Variants in DTD1 observed in about 807,000 individuals in gnomAD.
DTD1 encodes the protein D-aminoacyl-tRNA deacylase 1.
A neutral mutation model predicts 25.6 loss-of-function variants in DTD1; 13 were observed. The ratio of observed to expected loss-of-function variants is 0.51; its 90% CI spans 0.33 to 0.81. The LOEUF is 0.81. Ranked by LOEUF, DTD1 falls within the 30% of genes least tolerant of loss-of-function variation. The probability of loss-of-function intolerance (pLI) is 0.02; values close to 1 mark genes in which losing one functional copy is unlikely to be tolerated. For missense variants in DTD1, 193 were observed against 266.4 expected, an observed-to-expected ratio of 0.72 and a Z score of 1.92; for synonymous variants, 110 against 103.6, an observed-to-expected ratio of 1.06 and a Z score of -0.37.
At chr20:18,714,650 G>C (rs62217025) in intron 4 of DTD1, among the ~76,000 whole-genome samples, 52,815 of 151,952 alleles carry the variant, frequency 0.35, 9,507 homozygotes, top group Non-Finnish European at 0.4. Context: ...CAAGGCCATC[G>C]TCTAAGTGGG....
In DTD1 at chr20:18,606,942, C is replaced by T. The variant is rs145988335; in HGVS notation, c.370+10701C>T. On this transcript the variant is annotated intron_variant, in intron 3 of 5. Coordinates refer to ENST00000377452, the MANE Select transcript of DTD1 (RefSeq NM_080820.6). The stretch of plus-strand genomic sequence containing the variant: ...TAAAGTATAATAAAAAAAAAAAAGC[C>T]ATTCCTAGTTTACTGAGAGTTTCTA... Among the ~76,000 whole-genome samples, 975 of 151,582 alleles carry T rather than the reference C, an allele frequency of 6.4e-3. 11 individuals carry two copies. Among genetic ancestry groups the T allele is most frequent in the African/African-American group, 0.023 (934 of 41,314 alleles).
chr20:18,719,026 C>T (rs1282160184), intron 4 of DTD1, among the ~76,000 whole-genome samples: 1 of 152,086 alleles, frequency 6.6e-6, no homozygotes, highest in African/African-American at 2.4e-5. Context: ...GGTTTTGTTT[C>T]GATAAAGCCA....
intron 4 of DTD1, 69 bp downstream of exon 4, chr20:18,628,302 A>G (rs2060768142): frequency 1.7e-6 from 2 of 1,165,376 alleles, no homozygotes; most frequent in Non-Finnish European, 2.5e-6. Flanking sequence ...TCCCTGGAAG[A>G]GTCCTCGGTC....
chr20:18,627,653 T>C (rs1179602368), intron 3 of DTD1, among the ~76,000 whole-genome samples: 2 of 152,202 alleles, frequency 1.3e-5, no homozygotes, highest in Non-Finnish European at 2.9e-5. Context: ...CTTCTCCCAC[T>C]GTGACCCGGG....
At chr20:18,676,980 C>T (rs961412020) in intron 4 of DTD1, among the ~76,000 whole-genome samples, 1 of 152,182 alleles carries the variant, frequency 6.6e-6, no homozygotes, top group Non-Finnish European at 1.5e-5. Flanking sequence ...TGTTTTTATT[C>T]TTACTGCCTC....
chr20:18,616,374 T>G (rs764231840), intron 3 of DTD1, among the ~76,000 whole-genome samples: 2 of 152,188 alleles, frequency 1.3e-5, no homozygotes. Context: ...ATATCTACTT[T>G]CGTTATTAAA....
chr20:18,685,399 CATG>C (rs2061012552), intron 4 of DTD1, among the ~76,000 whole-genome samples: 2 of 152,220 alleles, frequency 1.3e-5, no homozygotes, highest in Non-Finnish European at 2.9e-5. Flanking sequence ...GTTGGCTGCA[CATG>C]ACGGGTGTAT....
chr20:18,593,749 G>C lies in DTD1; in HGVS notation c.62G>C (p.Ser21Thr). 1 of 1,613,984 alleles carries C rather than the reference G, an allele frequency of 6.2e-7. No individual in the cohort carries two copies. The highest frequency in any genetic ancestry group is 8.5e-7 in the Non-Finnish European group (1 of 1,179,902). The stretch of plus-strand genomic sequence containing the variant: ...TTTCTAGTTGGAGGAGAGCAGATTA[G>C]TGCCATTGGAAGGGGCATATGTGTG... ...ASVTVGGEQI[S>T]AIGRGICVLL... Residue 21 changes from serine (S) to threonine (T), a missense_variant, in exon 2 of 6, where the codon AGT becomes ACT. Coordinates refer to ENST00000377452, the MANE Select transcript of DTD1 (RefSeq NM_080820.6).
chr20:18,607,483 G>C (rs1317139672), intron 3 of DTD1, among the ~76,000 whole-genome samples: 1 of 151,846 alleles, frequency 6.6e-6, no homozygotes, highest in Non-Finnish European at 1.5e-5. Flanking sequence ...ATCTGGTTTC[G>C]GTATTAGGGT....
chr20:18,675,667 T>G (rs976361076), intron 4 of DTD1: 5 of 151,220 alleles, frequency 3.3e-5, no homozygotes, highest in African/African-American at 1.2e-4. Flanking sequence ...ACCTTCACAT[T>G]ACCAAAATGG....
At chr20:18,597,660 C>G (rs2060617224) in intron 3 of DTD1, among the ~76,000 whole-genome samples, 1 of 152,158 alleles carries the variant, frequency 6.6e-6, no homozygotes, top group Non-Finnish European at 1.5e-5. Flanking sequence ...TTTCACTTAG[C>G]ATAATGTTTT....
intron 4 of DTD1, among the ~76,000 whole-genome samples, chr20:18,649,699 T>A (rs2122352391): frequency 6.6e-6 from 1 of 152,246 alleles, no homozygotes; most frequent in South Asian, 2.1e-4. Flanking sequence ...AACACCCCCT[T>A]ACTCAGTTGT....
intron 4 of DTD1, among the ~76,000 whole-genome samples, chr20:18,681,016 C>G (rs2060994820): frequency 6.6e-6 from 1 of 152,184 alleles, no homozygotes; most frequent in Non-Finnish European, 1.5e-5. Flanking sequence ...TTTCGCCAGT[C>G]CTTTTCTATA....
intron 4 of DTD1, among the ~76,000 whole-genome samples, chr20:18,694,696 G>C (rs2061063197): frequency 6.6e-6 from 1 of 152,162 alleles, no homozygotes; most frequent in Admixed American, 6.5e-5. Context: ...ACATGCCTCG[G>C]TGAGATTCTT....
chr20:18,612,616 G>C (rs906103881), intron 3 of DTD1, among the ~76,000 whole-genome samples: 12 of 151,970 alleles, frequency 7.9e-5, no homozygotes, highest in Admixed American at 7.9e-4. Flanking sequence ...TTGCTTCACT[G>C]TAAAATTCAC....
At chr20:18,645,288 GC>G (rs1337205242) in intron 4 of DTD1, among the ~76,000 whole-genome samples, 1 of 152,222 alleles carries the variant, frequency 6.6e-6, no homozygotes, top group Non-Finnish European at 1.5e-5. Flanking sequence ...TTTTATTGAA[GC>G]ATCTAATTTT....
At chr20:18,713,714 C>G (rs781323404) in intron 4 of DTD1, among the ~76,000 whole-genome samples, 7 of 152,190 alleles carry the variant, frequency 4.6e-5, no homozygotes, top group Non-Finnish European at 1.0e-4. Flanking sequence ...CGTTCATGCA[C>G]TTTCTCTAGA....
At chr20:18,631,438 G>C in intron 4 of DTD1, 6 of 985,736 alleles carry the variant, frequency 6.1e-6, no homozygotes, top group Non-Finnish European at 7.2e-6. Flanking sequence ...GGAAGCCTCT[G>C]TCCTCTTGTT....
chr20:18,737,969 G>A (rs2061262962), intron 4 of DTD1, among the ~76,000 whole-genome samples: 1 of 152,186 alleles, frequency 6.6e-6, no homozygotes, highest in Non-Finnish European at 1.5e-5. Context: ...GTGGGGGCTC[G>A]AAGCACCCCC....
Sources: gnomAD v4.1 joint callset for allele counts (sites outside exome capture counted in the v4.1 genomes callset) on GRCh38, gnomAD v4.1.1 for gene constraint, MANE v1.5 for transcripts, NCBI Gene and HGNC (gene_info 2026-07-23, HGNC 2026-07-21) for gene names.